LUZP4: variants seen among roughly 807,000 people sequenced by gnomAD.
The protein encoded by LUZP4 is HOM-TES-85 tumor antigen.
LUZP4 carries 11 observed loss-of-function variants against 8.5 expected under a neutral mutation model. The ratio of observed to expected loss-of-function variants is 1.30; its 90% confidence interval spans 0.82 to 2.14. The LOEUF (loss-of-function observed/expected upper bound fraction) is 2.14. LUZP4 is among the 30% of genes most tolerant of loss of function. The pLI is 0.00. For synonymous variants in LUZP4, 104 were observed against 79.4 expected (o/e 1.31, Z -1.65); for missense variants, 276 against 229.7 (o/e 1.20, Z -1.30).
chrX:115,306,753 A>T lies in LUZP4; in HGVS notation c.891A>T (p.Gln297His), dbSNP rs1556604532. Reference sequence around the variant, plus strand: ...ATCAGTCAGGGAGATCTCATGGCCAATCAGAAAGACATCAGAGATACTCAA... The same window carrying T: ...ATCAGTCAGGGAGATCTCATGGCCATTCAGAAAGACATCAGAGATACTCAA... The part of the protein sequence containing the change: ...LINQSGRSHG[Q>H]SERHQRYSTG... The change falls in exon 4 of 4, where the codon CAA (glutamine) becomes CAT (histidine). Residue 297 changes from glutamine (Q) to histidine (H), a missense_variant. Physicochemically the swap from Gln to His is conservative, Grantham distance 24. Transcript: ENST00000371920. 5.0e-6 allele frequency: 6 copies of T among 1,209,644 alleles called. No homozygotes were observed. Among genetic ancestry groups the T allele is most frequent in the Non-Finnish European group, 6.7e-6 (6 of 893,447 alleles).
chrX:115,291,269 T>C (rs1313892383), intron 1 of LUZP4, among the ~76,000 whole-genome samples: 10 of 110,503 alleles, frequency 9.0e-5, no homozygotes, highest in African/African-American at 3.3e-4. Flanking sequence ...CCACCTAATT[T>C]TTAAATTTTT....
chrX:115,302,735 T>C lies in LUZP4; in HGVS notation c.224-565T>C, dbSNP rs782002041. On this transcript the variant is annotated intron_variant, in intron 2 of 3. Transcript: ENST00000371920. Reference sequence around the variant, plus strand: ...AGTTGCCTATGCAGCTTCATTTAAGTTCTTGTGTGAATCTTCAGTGGCTCA... The same window carrying C: ...AGTTGCCTATGCAGCTTCATTTAAGCTCTTGTGTGAATCTTCAGTGGCTCA... Among the ~76,000 whole-genome samples, 3 of 112,764 alleles carry C rather than the reference T, an allele frequency of 2.7e-5. No homozygotes were observed. In the South Asian group the frequency reaches 1.1e-3, roughly 41 times the overall value.
chrX:115,291,220 C>T (rs1299075083), intron 1 of LUZP4, among the ~76,000 whole-genome samples: 1 of 111,357 alleles, frequency 9.0e-6, no homozygotes, highest in Non-Finnish European at 1.9e-5. Flanking sequence ...CCACCTCAGC[C>T]TCTCGAGTAG....
chrX:115,293,715 C>T (rs1569520187), intron 1 of LUZP4, among the ~76,000 whole-genome samples: 1 of 110,861 alleles, frequency 9.0e-6, no homozygotes, highest in Non-Finnish European at 1.9e-5. Context: ...CTTTGGGAGG[C>T]TGAGGCAGGT....
At chrX:115,292,064 G>T (rs1213633861) in intron 1 of LUZP4, among the ~76,000 whole-genome samples, 1 of 112,580 alleles carries the variant, frequency 8.9e-6, no homozygotes, top group East Asian at 2.8e-4. Flanking sequence ...GCGATTACAG[G>T]CGTGGGCCAC....
rs782459533 is a variant in LUZP4, at chrX:115,293,823, C to T, written c.91+3973C>T. ...AAAATTAGCCGGGCGTGGAGGCAGG[C>T]GCCTGTAGTCCCAGCTACTTGGGAG... On this transcript the variant is annotated intron_variant, in intron 1 of 3. Coordinates refer to ENST00000371920, the MANE Select transcript of LUZP4 (RefSeq NM_016383.5). 2.6e-4 allele frequency among the ~76,000 whole-genome samples: 28 copies of T among 108,873 alleles called. No individual in the cohort carries two copies. In the East Asian group the frequency reaches 6.2e-3, roughly 24 times the overall value. The allele number at this position is 108,873 out of a possible 115,157, so 94.5% of individuals were successfully genotyped here.
intron 1 of LUZP4, among the ~76,000 whole-genome samples, chrX:115,295,040 C>G (rs1158600630): frequency 8.9e-6 from 1 of 111,896 alleles, no homozygotes. Context: ...GCAAAACTTT[C>G]GACTAGTTAT....
At chrX:115,296,911 A>G (rs1446999514) in intron 1 of LUZP4, among the ~76,000 whole-genome samples, 3 of 112,014 alleles carry the variant, frequency 2.7e-5, no homozygotes, top group African/African-American at 9.7e-5. Context: ...GAAAATCAGA[A>G]TCAGATTTTT....
chrX:115,304,553 G>A (rs952603008), intron 3 of LUZP4, among the ~76,000 whole-genome samples: 3 of 110,655 alleles, frequency 2.7e-5, no homozygotes, highest in Admixed American at 1.9e-4. Flanking sequence ...ATTCTGTTGC[G>A]CAGGCTGGAA....
intron 1 of LUZP4, among the ~76,000 whole-genome samples, chrX:115,293,950 CAA>C (rs67966831): frequency 1.1e-5 from 1 of 90,116 alleles, no homozygotes; most frequent in Non-Finnish European, 2.2e-5. Context: ...GACTCCGTCT[CAA>C]AAAAAAAAAA....
intron 1 of LUZP4, among the ~76,000 whole-genome samples, chrX:115,291,287 T>C (rs1423733618): frequency 9.1e-6 from 1 of 110,099 alleles, no homozygotes. Flanking sequence ...TTTGTAGAGA[T>C]TGGGTCTCCT....
At chrX:115,292,247 A>G (rs1358445890) in intron 1 of LUZP4, among the ~76,000 whole-genome samples, 1 of 112,336 alleles carries the variant, frequency 8.9e-6, no homozygotes, top group Non-Finnish European at 1.9e-5. Context: ...TTTAACTCTT[A>G]AATTTACATC....
chrX:115,301,993 C>A lies in LUZP4; in HGVS notation c.93C>A (p.Asp31Glu). ...TTTTTTATGTATTTTCTAATACAGA[C>A]GACATTATAATCTATAAAGAGTTAG... is the stretch of plus-strand genomic sequence containing the variant. ...KKVNFLDMSL[D>E]DIIIYKELEG... The change falls in exon 2 of 4, where the codon GAC becomes GAA. Residue 31 changes from aspartate to glutamate, a missense_variant and splice_region_variant. Physicochemically the swap from Asp to Glu is conservative, Grantham distance 45. Transcript: ENST00000371920. 8.9e-7 allele frequency: 1 copy of A among 1,125,869 alleles called. No individual in the cohort carries two copies. Among genetic ancestry groups the A allele is most frequent in the Non-Finnish European group, 1.2e-6 (1 of 842,962 alleles). The allele number at this position is 1,125,869 out of a possible 1,213,427, so 92.8% of individuals were successfully genotyped here. A position where few individuals can be genotyped will look rare whatever the true frequency, so the allele number is the denominator to read the frequency against.
rs782167345 is a variant in LUZP4, at chrX:115,306,576, T to G, written c.714T>G (p.Leu238=). 2.5e-6 allele frequency: 3 copies of G among 1,204,716 alleles called. No individual in the cohort carries two copies. The South Asian group carries it at 5.3e-5, about 21-fold the overall frequency. ...HSKRSRSQGD[L]VDTQSDLIAT... is the part of the protein sequence containing the mutation. Reference sequence around the variant, plus strand: ...AGAGATCTCGTAGCCAGGGAGATCTTGTGGACACTCAGAGTGATCTCATAG... The same window carrying G: ...AGAGATCTCGTAGCCAGGGAGATCTGGTGGACACTCAGAGTGATCTCATAG... The change falls in exon 4 of 4, where the codon CTT becomes CTG. Residue 238 remains leucine (L), a synonymous_variant. Coordinates refer to ENST00000371920, the MANE Select transcript of LUZP4 (RefSeq NM_016383.5).
At chrX:115,303,735 T>G (rs1556602659) in intron 3 of LUZP4, among the ~76,000 whole-genome samples, 3 of 112,191 alleles carry the variant, frequency 2.7e-5, no homozygotes, top group Non-Finnish European at 5.6e-5. Flanking sequence ...GGCTTTGAGC[T>G]TAAGTTATAA....
chrX:115,295,800 A>G, intron 1 of LUZP4, among the ~76,000 whole-genome samples: 1 of 111,289 alleles, frequency 9.0e-6, no homozygotes, highest in East Asian at 2.8e-4. Context: ...CCTAAAAGAG[A>G]CTGATGCAAA....
intron 3 of LUZP4, among the ~76,000 whole-genome samples, chrX:115,305,541 C>G (rs782104390): frequency 1.3e-4 from 15 of 111,871 alleles, no homozygotes; most frequent in Admixed American, 2.9e-4. Flanking sequence ...TATCCACTTA[C>G]ATTTATGTAG....
At chrX:115,300,921 T>A (rs1379311361) in intron 1 of LUZP4, among the ~76,000 whole-genome samples, 1 of 111,081 alleles carries the variant, frequency 9.0e-6, no homozygotes, top group Non-Finnish European at 1.9e-5. Context: ...TATGAAGGTG[T>A]TTTTTTCTGT....
Position 115,289,733 on chromosome X carries a change from A to T in LUZP4, c.-27A>T. 3.5e-6 allele frequency: 4 copies of T among 1,127,387 alleles called. No individual in the cohort carries two copies. The highest frequency in any genetic ancestry group is 4.9e-6 in the Non-Finnish European group (4 of 820,194). 92.9% of individuals were successfully genotyped at this position (1,127,387 alleles called of 1,213,427 possible). On this transcript the variant is annotated 5_prime_UTR_variant, in exon 1 of 4. Coordinates refer to ENST00000371920, the MANE Select transcript of LUZP4 (RefSeq NM_016383.5). ...GGGTGGTACACGCGCCCTACCTCGG[A>T]GTGTGTGGCGCCATGATGCAGGGAA...
Sources: gnomAD v4.1 joint callset for allele counts (sites outside exome capture counted in the v4.1 genomes callset) on GRCh38, gnomAD v4.1.1 for gene constraint, MANE v1.5 for transcripts, NCBI Gene and HGNC (gene_info 2026-07-23, HGNC 2026-07-21) for gene names.